The following LRP1B variants were observed in gnomAD, a reference collection of about 807,000 sequenced individuals.
LRP1B encodes LDL receptor related protein 1B.
In LRP1B, 217 loss-of-function variants were observed where a neutral mutation model predicts 556.6. That is an observed-to-expected ratio of 0.39 (90% confidence interval 0.35 to 0.44). The LOEUF is 0.44. Among genes scored for constraint, LRP1B ranks in the 20% least tolerant of loss-of-function variants. The pLI is 1.00. For missense variants in LRP1B, 5,053 were observed against 5,620.8 expected (o/e 0.90, Z 3.23); for synonymous variants, 2,047 against 1,865.8 (o/e 1.10, Z -2.50).
intron 2 of LRP1B, among the ~76,000 whole-genome samples, chr2:141,560,192 C>A (rs1448262653): frequency 2.0e-5 from 3 of 151,682 alleles, no homozygotes. Flanking sequence ...CCTAACTATT[C>A]CATCCACTTT....
chr2:140,386,081 A>G (rs1683748788), intron 66 of LRP1B, 72 bp from the exon 67 acceptor site: 1 of 883,538 alleles, frequency 1.1e-6, no homozygotes, highest in Admixed American at 2.1e-5. Flanking sequence ...CCTCACTGCC[A>G]TGCCAAATCC....
At chr2:141,452,816 A>G (rs1681472065) in intron 3 of LRP1B, among the ~76,000 whole-genome samples, 1 of 152,196 alleles carries the variant, frequency 6.6e-6, no homozygotes, top group Non-Finnish European at 1.5e-5. Context: ...AGGGTAACCT[A>G]CTTTTCTTAC....
rs70994453 is a variant in LRP1B at position 141,818,531 on chromosome 2, C to CTTTTTT, written c.83-8136_83-8131dup. The stretch of plus-strand genomic sequence containing the variant: ...TTCCCTAAATATAACATTTCTGTAT[C>CTTTTTT]TTTTTTTTTTTTTTTTTTTTTTTGA... On this transcript the variant is annotated intron_variant, in intron 1 of 90. Coordinates refer to ENST00000389484, the MANE Select transcript of LRP1B (RefSeq NM_018557.3). Among the ~76,000 whole-genome samples the CTTTTTT allele has an allele frequency of 2.3e-3, 190 of 82,060 alleles. 3 individuals are homozygous for CTTTTTT. Among genetic ancestry groups the CTTTTTT allele is most frequent in the African/African-American group, 2.5e-3 (50 of 20,392 alleles). 53.8% of individuals were successfully genotyped at this position (82,060 alleles called of 152,430 possible).
Position 141,645,311 on chromosome 2 carries a change from T to C in LRP1B, c.206-164778A>G, listed in dbSNP as rs530164166. Among the ~76,000 whole-genome samples, 5 of 152,166 alleles carry C rather than the reference T, an allele frequency of 3.3e-5. No homozygotes were observed. In the East Asian group the frequency reaches 5.8e-4, roughly 18 times the overall value. Reference sequence around the variant, plus strand: ...CTTCAAAGTCCCCCAAACTTTTTGATTGGACTCCACACCATGCCTCATATG... The same window carrying C: ...CTTCAAAGTCCCCCAAACTTTTTGACTGGACTCCACACCATGCCTCATATG... On this transcript the variant is annotated intron_variant, in intron 2 of 90. Coordinates refer to ENST00000389484, the MANE Select transcript of LRP1B (RefSeq NM_018557.3).
chr2:141,900,929 G>A (rs569526670), intron 1 of LRP1B, among the ~76,000 whole-genome samples: 2 of 152,074 alleles, frequency 1.3e-5, no homozygotes, highest in South Asian at 4.1e-4. Flanking sequence ...ATTGAGGTGA[G>A]AAAAGAGAAG....
chr2:141,393,070 G>A (rs1690113254), intron 3 of LRP1B, among the ~76,000 whole-genome samples: 2 of 152,162 alleles, frequency 1.3e-5, no homozygotes, highest in Admixed American at 1.3e-4. Flanking sequence ...CAAGGATTCT[G>A]TGGAGCACCC....
chr2:140,924,248 G>A (rs1206206320), intron 20 of LRP1B, among the ~76,000 whole-genome samples: 4 of 151,876 alleles, frequency 2.6e-5, no homozygotes, highest in Non-Finnish European at 5.9e-5. Flanking sequence ...TAATAACAGT[G>A]ATATCACCAA....
Position 142,087,990 on chromosome 2 carries a change from G to T in LRP1B, c.82+42658C>A, listed in dbSNP as rs529475581. Among the ~76,000 whole-genome samples, 19 of 152,130 alleles carry T rather than the reference G, an allele frequency of 1.2e-4. No individual in the cohort carries two copies. The East Asian group carries it at 2.1e-3, about 17-fold the overall frequency. On this transcript the variant is annotated intron_variant, in intron 1 of 90. Transcript: ENST00000389484. ...TATTTAAATACACAAACATCAAAAT[G>T]TACAGAGCATGCAAATTAGGTAAGC...
At chr2:141,135,383 G>A (rs555294214) in intron 7 of LRP1B, among the ~76,000 whole-genome samples, 1 of 152,008 alleles carries the variant, frequency 6.6e-6, no homozygotes, top group East Asian at 1.9e-4. Flanking sequence ...TGCTGCAGGT[G>A]GCATTTTATA....
intron 5 of LRP1B, among the ~76,000 whole-genome samples, chr2:141,233,595 C>A (rs1683548955): frequency 6.6e-6 from 1 of 152,032 alleles, no homozygotes; most frequent in African/African-American, 2.4e-5. Flanking sequence ...TAACTGTGTC[C>A]TTGCAAGCCT....
chr2:141,175,027 C>G (rs1270754716), intron 7 of LRP1B, among the ~76,000 whole-genome samples: 1 of 152,038 alleles, frequency 6.6e-6, no homozygotes, highest in Non-Finnish European at 1.5e-5. Context: ...ATTTGTGGAA[C>G]TTTAAACTTG....
chr2:141,782,823 T>C (rs941717679), intron 2 of LRP1B, among the ~76,000 whole-genome samples: 5 of 152,152 alleles, frequency 3.3e-5, no homozygotes, highest in African/African-American at 1.2e-4. Context: ...TTCAGATCAA[T>C]AAATTTTATT....
At chr2:141,478,205 T>C (rs1424118927) in intron 3 of LRP1B, among the ~76,000 whole-genome samples, 2 of 152,216 alleles carry the variant, frequency 1.3e-5, no homozygotes, top group Admixed American at 1.3e-4. Context: ...CCCTCATATA[T>C]TAGATCAAAA....
At chr2:141,225,484 T>G (rs1038087249) in intron 6 of LRP1B, among the ~76,000 whole-genome samples, 1 of 152,168 alleles carries the variant, frequency 6.6e-6, no homozygotes, top group Non-Finnish European at 1.5e-5. Context: ...TTATTTTGGG[T>G]ATCTGTGTCC....
intron 66 of LRP1B, among the ~76,000 whole-genome samples, chr2:140,403,166 A>G (rs1427343698): frequency 6.6e-6 from 1 of 152,194 alleles, no homozygotes; most frequent in Non-Finnish European, 1.5e-5. Context: ...AACCATTAGA[A>G]GAATTAGTTT....
At position 140,487,816 on chromosome 2, in the gene LRP1B, T is replaced by C. The variant is rs74941180; in HGVS notation, c.9121-77A>G. 9.2e-4 allele frequency: 857 copies of C among 934,122 alleles called. 9 individuals carry two copies. The African/African-American group carries it at 0.012, about 13-fold the overall frequency. 57.9% of individuals were successfully genotyped at this position (934,122 alleles called of 1,614,324 possible). A position where few individuals can be genotyped will look rare whatever the true frequency, so the allele number is the denominator to read the frequency against. On this transcript the variant is annotated intron_variant, in intron 57 of 90. Coordinates refer to ENST00000389484, the MANE Select transcript of LRP1B (RefSeq NM_018557.3). ...AAAATGTTTTAGGAGTTTACAGGAA[T>C]CACTGTCTTCCTTTGAAACTAAATA...
chr2:140,751,078 C>T (rs1409904033), intron 35 of LRP1B, among the ~76,000 whole-genome samples: 1 of 150,210 alleles, frequency 6.7e-6, no homozygotes, highest in East Asian at 2.0e-4. Context: ...CTGCAACTTC[C>T]ACCTCCTGGG....
intron 11 of LRP1B, among the ~76,000 whole-genome samples, chr2:141,043,176 C>T (rs1457342436): frequency 1.3e-5 from 2 of 150,006 alleles, no homozygotes; most frequent in African/African-American, 4.9e-5. Context: ...GCACTCCAGC[C>T]TGGATGACAG....
intron 20 of LRP1B, among the ~76,000 whole-genome samples, chr2:140,939,550 T>TCAATC (rs1292491844): frequency 6.7e-6 from 1 of 148,654 alleles, no homozygotes; most frequent in Non-Finnish European, 1.5e-5. Flanking sequence ...AAATTGTAGG[T>TCAATC]CAATACATGC....
Sources: gnomAD v4.1 joint callset for allele counts (sites outside exome capture counted in the v4.1 genomes callset) on GRCh38, gnomAD v4.1.1 for gene constraint, MANE v1.5 for transcripts, NCBI Gene and HGNC (gene_info 2026-07-23, HGNC 2026-07-21) for gene names.